The following NR5A2 variants were observed in gnomAD, a reference collection of about 807,000 sequenced individuals.
The protein encoded by NR5A2 is CYP7A promoter-binding factor.
Under a neutral mutation model 62.7 loss-of-function variants are expected in NR5A2, and 26 were observed. The observed-to-expected ratio is 0.41, with a 90% CI of 0.30 to 0.58. The LOEUF is 0.58. NR5A2 is among the 20% of genes least tolerant of loss of function. The probability of loss-of-function intolerance (pLI) is 0.22; values close to 1 mark genes in which losing one functional copy is unlikely to be tolerated. For missense variants in NR5A2, 541 were observed against 669.1 expected (o/e 0.81, Z 2.11); for synonymous variants, 246 against 241.7 (o/e 1.02, Z -0.16).
intron 5 of NR5A2, among the ~76,000 whole-genome samples, chr1:200,070,095 A>C (rs1431266140): frequency 6.6e-6 from 1 of 152,122 alleles, no homozygotes; most frequent in Non-Finnish European, 1.5e-5. Context: ...TTTGTGAGGT[A>C]GTTTGACTGA....
rs1661942044 is a variant in NR5A2 at position 200,039,390 on chromosome 1, TCGCCACCGC to T, written c.65-263_65-255del. ...CTCCGCGCCCCGGGCAGCTGCGTCC[TCGCCACCGC>T]CGCCGCCTGCGCCCTTGCGGAGCCG... On this transcript the variant is annotated intron_variant, in intron 1 of 7. Coordinates refer to ENST00000367362, the MANE Select transcript of NR5A2 (RefSeq NM_205860.3). The surrounding 1 kb of genome is among the most constrained non-coding windows in gnomAD (Gnocchi z 5.1). Among the ~76,000 whole-genome samples, 2 of 151,276 alleles carry T rather than the reference TCGCCACCGC, an allele frequency of 1.3e-5. No individual in the cohort carries two copies. The highest frequency in any genetic ancestry group is 1.3e-4 in the Admixed American group (2 of 15,240).
chr1:200,087,910 C>A (rs1664629701), intron 5 of NR5A2, among the ~76,000 whole-genome samples: 1 of 151,930 alleles, frequency 6.6e-6, no homozygotes, highest in Admixed American at 6.6e-5. Context: ...CACCATCATG[C>A]TCAGCTAATT....
intron 5 of NR5A2, among the ~76,000 whole-genome samples, chr1:200,072,120 GA>G (rs890859555): frequency 2.0e-5 from 3 of 152,184 alleles, no homozygotes; most frequent in Admixed American, 6.5e-5. Flanking sequence ...CGAGGTAAAG[GA>G]ATACCAGGAG....
At chr1:200,097,824 C>T (rs967458839) in intron 5 of NR5A2, among the ~76,000 whole-genome samples, 19 of 152,138 alleles carry the variant, frequency 1.2e-4, no homozygotes, top group African/African-American at 4.3e-4. Context: ...GCATATTCTT[C>T]TCCTTTAATC....
chr1:200,103,911 G>T (rs1665516242), intron 5 of NR5A2, among the ~76,000 whole-genome samples: 1 of 152,218 alleles, frequency 6.6e-6, no homozygotes, highest in African/African-American at 2.4e-5. Flanking sequence ...ACAAGAGGGA[G>T]AAGTATGGAG....
intron 5 of NR5A2, among the ~76,000 whole-genome samples, chr1:200,105,735 T>G (rs1021699268): frequency 1.3e-5 from 2 of 152,098 alleles, no homozygotes; most frequent in African/African-American, 4.8e-5. Context: ...GAGGATACCT[T>G]GAGTCTAGGA....
At chr1:200,060,307 G>A (rs115005857) in intron 5 of NR5A2, among the ~76,000 whole-genome samples, 13 of 152,248 alleles carry the variant, frequency 8.5e-5, no homozygotes, top group African/African-American at 1.4e-4. Flanking sequence ...AAGGCAACTC[G>A]TTCCCTACAA....
intron 5 of NR5A2, among the ~76,000 whole-genome samples, chr1:200,070,384 A>G (rs1487539179): frequency 6.6e-6 from 1 of 152,080 alleles, no homozygotes; most frequent in African/African-American, 2.4e-5. Context: ...CAAGTCAAGA[A>G]TATATACTTT....
chr1:200,034,783 CTTTTTTTTTT>C lies in NR5A2; in HGVS notation c.65-4853_65-4844del, dbSNP rs767393832. Reference sequence around the variant, plus strand: ...GTTATTCACACGTGCAGCAGAAAGGCTTTTTTTTTTTTTTTTTTTTTTTTTTTTTTTAAAC... The same window carrying C: ...GTTATTCACACGTGCAGCAGAAAGGCTTTTTTTTTTTTTTTTTTTTTAAAC... On this transcript the variant is annotated intron_variant, in intron 1 of 7. Transcript: ENST00000367362. Among the ~76,000 whole-genome samples, 30 of 71,286 alleles carry C rather than the reference CTTTTTTTTTT, an allele frequency of 4.2e-4. 1 individual carries two copies. The South Asian group carries it at 0.019, about 45-fold the overall frequency. The allele number at this position is 71,286 out of a possible 152,430, so 46.8% of individuals were successfully genotyped here. A position where few individuals can be genotyped will look rare whatever the true frequency, so the allele number is the denominator to read the frequency against.
At chr1:200,076,479 G>A (rs1401989137) in intron 5 of NR5A2, among the ~76,000 whole-genome samples, 1 of 151,094 alleles carries the variant, frequency 6.6e-6, no homozygotes, top group Non-Finnish European at 1.5e-5. Flanking sequence ...TTGTCTGCAG[G>A]CTAACCGTAT....
intron 5 of NR5A2, 27 bp from the exon 6 acceptor site, chr1:200,111,174 TG>T: frequency 1.9e-6 from 3 of 1,596,244 alleles, no homozygotes; most frequent in Non-Finnish European, 2.6e-6. Context: ...TTGTTTTTTT[TG>T]TTTGTTTGTT....
intron 5 of NR5A2, among the ~76,000 whole-genome samples, chr1:200,105,783 C>T (rs892977823): frequency 6.6e-6 from 1 of 151,932 alleles, no homozygotes; most frequent in African/African-American, 2.4e-5. Context: ...GAGAACTCGT[C>T]TCTACAAAAA....
At chr1:200,156,639 C>T (rs1316638575) in intron 7 of NR5A2, among the ~76,000 whole-genome samples, 1 of 152,072 alleles carries the variant, frequency 6.6e-6, no homozygotes, top group Admixed American at 6.5e-5. Context: ...CCTCGTGATC[C>T]ACCCGCCTCG....
rs1374555448 is a variant in NR5A2, at chr1:200,172,029, A to G, written c.1379-1934A>G. Among the ~76,000 whole-genome samples the G allele has an allele frequency of 3.3e-5, 5 of 152,314 alleles. No homozygotes were observed. In the East Asian group the frequency reaches 7.7e-4, roughly 24 times the overall value. Reference sequence around the variant, plus strand: ...TTTTCTTACATTTTACATTCATTCTATGCAAATTTCTACATCCTCTCTATT... The same window carrying G: ...TTTTCTTACATTTTACATTCATTCTGTGCAAATTTCTACATCCTCTCTATT... On this transcript the variant is annotated intron_variant, in intron 7 of 7. Transcript: ENST00000367362.
intron 5 of NR5A2, among the ~76,000 whole-genome samples, chr1:200,108,678 TTCACA>T (rs1665806394): frequency 6.6e-6 from 1 of 152,208 alleles, no homozygotes; most frequent in Non-Finnish European, 1.5e-5. Context: ...CAACTAATAC[TTCACA>T]TCACAGAACA....
At chr1:200,123,812 T>A (rs1471066226) in intron 7 of NR5A2, among the ~76,000 whole-genome samples, 1 of 151,490 alleles carries the variant, frequency 6.6e-6, no homozygotes, top group East Asian at 1.9e-4. Context: ...GGTGGTTTTT[T>A]TTTTTTGAAA....
intron 7 of NR5A2, among the ~76,000 whole-genome samples, chr1:200,160,109 C>T (rs1018312140): frequency 3.9e-5 from 6 of 152,228 alleles, no homozygotes; most frequent in African/African-American, 1.4e-4. Context: ...ACAATGGGCT[C>T]TAGCCTGCCT....
At chr1:200,124,983 G>A (rs535391851) in intron 7 of NR5A2, among the ~76,000 whole-genome samples, 1 of 152,344 alleles carries the variant, frequency 6.6e-6, no homozygotes, top group East Asian at 1.9e-4. Flanking sequence ...ATAGGTAATA[G>A]GAGGTGGTTT....
chr1:200,050,627 A>T (rs1371816261), intron 5 of NR5A2, among the ~76,000 whole-genome samples: 2 of 152,252 alleles, frequency 1.3e-5, no homozygotes, highest in Non-Finnish European at 2.9e-5. Context: ...GCAGTGGCTC[A>T]TGCCTGTAAT....
Sources: allele counts gnomAD v4.1 joint callset (sites outside exome capture counted in the v4.1 genomes callset), GRCh38; gene constraint gnomAD v4.1.1; non-coding constraint Gnocchi (gnomAD v3.1); transcripts MANE v1.5; gene names NCBI Gene and HGNC (gene_info 2026-07-23, HGNC 2026-07-21).